ADGRB2: variants seen among roughly 807,000 people sequenced by gnomAD.
The protein encoded by ADGRB2 is adhesion G protein-coupled receptor B2.
In ADGRB2, 47 loss-of-function variants were observed where a neutral mutation model predicts 178.7. The ratio of observed to expected loss-of-function variants is 0.26; its 90% CI spans 0.21 to 0.34. The LOEUF (loss-of-function observed/expected upper bound fraction) is 0.34. Among genes scored for constraint, ADGRB2 ranks in the 10% least tolerant of loss-of-function variants. ADGRB2 has a pLI of 1.00. For missense variants in ADGRB2, 1,584 were observed against 2,180.8 expected, an observed-to-expected ratio of 0.73 and a Z score of 5.45; for synonymous variants, 870 against 912.4, an observed-to-expected ratio of 0.95 and a Z score of 0.84.
Position 31,740,551 on chromosome 1 carries a change from A to T in ADGRB2, c.1795-10T>A. 1 of 1,587,082 alleles carries T rather than the reference A, an allele frequency of 6.3e-7. No homozygotes were observed. The highest frequency in any genetic ancestry group is 8.6e-7 in the Non-Finnish European group (1 of 1,165,594). ...CCAGGTGCTCCCTAAGCTGTAGGTGATGAGGGGGCCACAGTCACTGAAGTG... is the reference window on the plus strand; with the variant it reads ...CCAGGTGCTCCCTAAGCTGTAGGTGTTGAGGGGGCCACAGTCACTGAAGTG... On this transcript the variant is annotated splice_polypyrimidine_tract_variant and intron_variant, in intron 11 of 32. Coordinates refer to ENST00000373658, the MANE Select transcript of ADGRB2 (RefSeq NM_001364857.2). The surrounding 1 kb of genome is among the most constrained non-coding windows in gnomAD (Gnocchi z 5.9).
intron 22 of ADGRB2, 31 bp downstream of exon 22, chr1:31,736,290 C>T (rs746450087): frequency 4.3e-6 from 7 of 1,611,026 alleles, no homozygotes; most frequent in Admixed American, 1.7e-5. Flanking sequence ...ATCCACTACC[C>T]GCTACCACCC....
Position 31,733,060 on chromosome 1 carries a change from C to T in ADGRB2, c.3536G>A (p.Arg1179His), listed in dbSNP as rs202211069. ...AAAGAGGGCCTGGAAGAGGACGGAA[C>T]GGCGGTCTGTCATAGCCAGGACGGC... ...MSAVLAMTDR[R>H]SVLFQALFAV... The change falls in exon 26 of 33, where the codon CGT (arginine) becomes CAT (histidine). Residue 1179 changes from arginine (R) to histidine (H), a missense_variant. Coordinates refer to ENST00000373658, the MANE Select transcript of ADGRB2 (RefSeq NM_001364857.2). This position sits in a 1 kb window ranked among gnomAD's most constrained non-coding sequence, Gnocchi z 4.3. 2.5e-6 allele frequency: 4 copies of T among 1,579,866 alleles called. No homozygotes were observed. The highest frequency in any genetic ancestry group is 2.7e-5 in the African/African-American group (2 of 74,226).
chr1:31,756,560 A>C lies in ADGRB2; in HGVS notation c.277T>G (p.Phe93Val). The change falls in exon 4 of 33, where the codon TTT (phenylalanine) becomes GTT (valine). Residue 93 changes from phenylalanine (F) to valine (V), a missense_variant. Phe to Val is a conservative substitution (Grantham distance 50). Transcript: ENST00000373658. This position sits in a 1 kb window ranked among gnomAD's most constrained non-coding sequence, Gnocchi z 8.5. ...FNRQEQVCAH[F>V]APRLLPLDHY... is the part of the protein sequence containing the mutation. ...TCCAGGGGCAGCAGGCGGGGGGCAA[A>C]GTGTGCGCACACCTGCTCCTGGCGG... 6.2e-7 allele frequency: 1 copy of C among 1,613,192 alleles called. No individual in the cohort carries two copies. The highest frequency in any genetic ancestry group is 8.5e-7 in the Non-Finnish European group (1 of 1,179,568).
intron 1 of ADGRB2, among the ~76,000 whole-genome samples, chr1:31,762,748 G>A (rs1271312081): frequency 1.3e-5 from 2 of 152,314 alleles, no homozygotes; most frequent in African/African-American, 2.4e-5. Flanking sequence ...TGCAGCCACC[G>A]CTGATGCTCT....
chr1:31,739,086 G>A, intron 15 of ADGRB2, 149 bp from the exon 16 acceptor site: 1 of 835,022 alleles, frequency 1.2e-6, no homozygotes, highest in Non-Finnish European at 1.8e-6. Flanking sequence ...GACTTCAGGT[G>A]AGGTCTAGAG....
In ADGRB2 at chr1:31,733,707, C is replaced by A. The variant is rs1645420959; in HGVS notation, c.3453-564G>T. Among the ~76,000 whole-genome samples, 1 of 152,046 alleles carries A rather than the reference C, an allele frequency of 6.6e-6. No individual in the cohort carries two copies. Among genetic ancestry groups the A allele is most frequent in the African/African-American group, 2.4e-5 (1 of 41,404 alleles). ...CCAGTGAAGCAGAACTCCCCCCACA[C>A]ACAGAGAAGACGCCAGGCTCCCACG... is the stretch of plus-strand genomic sequence containing the variant. On this transcript the variant is annotated intron_variant, in intron 25 of 32. Coordinates refer to ENST00000373658, the MANE Select transcript of ADGRB2 (RefSeq NM_001364857.2). The surrounding 1 kb of genome is among the most constrained non-coding windows in gnomAD (Gnocchi z 4.3).
In ADGRB2 at chr1:31,735,166, C is replaced by A; in HGVS notation, c.3452+17G>T. On this transcript the variant is annotated intron_variant, in intron 25 of 32. Transcript: ENST00000373658. This position sits in a 1 kb window ranked among gnomAD's most constrained non-coding sequence, Gnocchi z 6.0. ...TGCCCCACCCACCCCCACCGCCCCC[C>A]AGGGGGCACGACTAACATGGCGTTC... 1 of 1,426,536 alleles carries A rather than the reference C, an allele frequency of 7.0e-7. No individual in the cohort carries two copies. Among genetic ancestry groups the A allele is most frequent in the Non-Finnish European group, 9.2e-7 (1 of 1,086,026 alleles). The allele number at this position is 1,426,536 out of a possible 1,614,324, so 88.4% of individuals were successfully genotyped here. A position where few individuals can be genotyped will look rare whatever the true frequency, so the allele number is the denominator to read the frequency against.
intron 29 of ADGRB2, 68 bp downstream of exon 29, chr1:31,730,731 TC>T: frequency 7.1e-7 from 1 of 1,410,606 alleles, no homozygotes; most frequent in East Asian, 2.5e-5. Flanking sequence ...GATGAGGCTG[TC>T]CCCTCCTGGC....
Position 31,740,420 on chromosome 1 carries a change from G to C in ADGRB2, c.1916C>G (p.Ser639Cys). ...RTYYSGDLLFSVDILRNVTDT... is the reference protein window; with the variant it reads ...RTYYSGDLLFCVDILRNVTDT... ...AGTGACATTCCTCAGAATGTCCACAGAGAAGAGCAGGTCCCCACTATAGTA... is the reference window on the plus strand; with the variant it reads ...AGTGACATTCCTCAGAATGTCCACACAGAAGAGCAGGTCCCCACTATAGTA... Residue 639 changes from serine (S) to cysteine (C), a missense_variant, in exon 12 of 33, where the codon TCT becomes TGT. This residue lies in a region of ADGRB2 where 62 missense variants were observed against 140.3 expected (regional missense o/e 0.44). Transcript: ENST00000373658. This position sits in a 1 kb window ranked among gnomAD's most constrained non-coding sequence, Gnocchi z 5.9. The C allele has an allele frequency of 6.2e-7, 1 of 1,614,084 alleles. No individual in the cohort carries two copies. The highest frequency in any genetic ancestry group is 8.5e-7 in the Non-Finnish European group (1 of 1,180,000).
Position 31,735,487 on chromosome 1 carries a change from G to A in ADGRB2, c.3353+93C>T, listed in dbSNP as rs556010749. On this transcript the variant is annotated intron_variant, in intron 24 of 32. Coordinates refer to ENST00000373658, the MANE Select transcript of ADGRB2 (RefSeq NM_001364857.2). The surrounding 1 kb of genome is among the most constrained non-coding windows in gnomAD (Gnocchi z 6.0). ...GCACCAAGGTTGGGGAGCCCCGGTC[G>A]CATCATCGAGCCCTGAGTCTCCAAG... 3.3e-5 allele frequency: 48 copies of A among 1,471,450 alleles called. No individual in the cohort carries two copies. In the East Asian group the frequency reaches 4.6e-4, roughly 14 times the overall value. The allele number at this position is 1,471,450 out of a possible 1,614,324, so 91.1% of individuals were successfully genotyped here.
rs1646675886 is a variant in ADGRB2 at position 31,753,387 on chromosome 1, C to T, written c.838+2612G>A. ...GTACCCTCTTGTCAAACTCACTCGG[C>T]TCTGAGGCGTCCCAGGCACTCCGCC... On this transcript the variant is annotated intron_variant, in intron 4 of 32. Coordinates refer to ENST00000373658, the MANE Select transcript of ADGRB2 (RefSeq NM_001364857.2). This position sits in a 1 kb window ranked among gnomAD's most constrained non-coding sequence, Gnocchi z 4.1. 6.6e-6 allele frequency among the ~76,000 whole-genome samples: 1 copy of T among 152,238 alleles called. No individual in the cohort carries two copies. Among genetic ancestry groups the T allele is most frequent in the African/African-American group, 2.4e-5 (1 of 41,456 alleles).
At chr1:31,757,061 GA>G in intron 3 of ADGRB2, 139 bp downstream of exon 3, 1 of 1,425,028 alleles carries the variant, frequency 7.0e-7, no homozygotes, top group Non-Finnish European at 9.8e-7. Flanking sequence ...ATAAGTAAGG[GA>G]AAGGACTCGC....
chr1:31,748,167 G>A (rs896732302), intron 4 of ADGRB2, among the ~76,000 whole-genome samples: 4 of 152,208 alleles, frequency 2.6e-5, no homozygotes, highest in African/African-American at 9.7e-5. Flanking sequence ...GCCCCACAAT[G>A]TAACAGGAGG....
At chr1:31,736,848 C>A (rs1645635882) in intron 20 of ADGRB2, 125 bp from the exon 21 acceptor site, 2 of 1,410,030 alleles carry the variant, frequency 1.4e-6, no homozygotes, top group Non-Finnish European at 1.9e-6. Flanking sequence ...CCCCACAGAG[C>A]CCTGCCAGGC....
At position 31,732,408 on chromosome 1, in the gene ADGRB2, C is replaced by T. The variant is rs1045233378; in HGVS notation, c.3720+109G>A. 4.4e-6 allele frequency: 6 copies of T among 1,363,220 alleles called. No homozygotes were observed. In the Admixed American group the frequency reaches 1.1e-4, roughly 26 times the overall value. The allele number at this position is 1,363,220 out of a possible 1,614,324, so 84.4% of individuals were successfully genotyped here. A position where few individuals can be genotyped will look rare whatever the true frequency, so the allele number is the denominator to read the frequency against. ...TGGCTGAGCCTGAATCAAACCCAATCCCTGTCCCAACCCTGCCATGGATGG... is the reference window on the plus strand; with the variant it reads ...TGGCTGAGCCTGAATCAAACCCAATTCCTGTCCCAACCCTGCCATGGATGG... On this transcript the variant is annotated intron_variant, in intron 27 of 32. Transcript: ENST00000373658.
At chr1:31,736,534 C>T (rs1193671060) in intron 21 of ADGRB2, 39 bp downstream of exon 21, 1 of 1,604,682 alleles carries the variant, frequency 6.2e-7, no homozygotes, top group Admixed American at 1.7e-5. Context: ...CCCTGCCCAC[C>T]AAGGCCCAGC....
rs377263531 is a variant in ADGRB2, at chr1:31,735,391, A to C, written c.3354-110T>G. The C allele has an allele frequency of 1.7e-6, 2 of 1,192,044 alleles. No homozygotes were observed. Among genetic ancestry groups the C allele is most frequent in the African/African-American group, 1.5e-5 (1 of 65,794 alleles). 73.8% of individuals were successfully genotyped at this position (1,192,044 alleles called of 1,614,324 possible). A position where few individuals can be genotyped will look rare whatever the true frequency, so the allele number is the denominator to read the frequency against. On this transcript the variant is annotated intron_variant, in intron 24 of 32. Coordinates refer to ENST00000373658, the MANE Select transcript of ADGRB2 (RefSeq NM_001364857.2). The surrounding 1 kb of genome is among the most constrained non-coding windows in gnomAD (Gnocchi z 6.0). ...GGAGGGGAGGGCAGACGAGAGAGAG[A>C]GAGCTGGGTTAGGGTGGGTGAGGGG...
Position 31,728,864 on chromosome 1 carries a change from C to A in ADGRB2, c.4381-231G>T, listed in dbSNP as rs979097062. 7.4e-6 allele frequency among the ~76,000 whole-genome samples: 1 copy of A among 134,510 alleles called. No homozygotes were observed. Among genetic ancestry groups the A allele is most frequent in the African/African-American group, 2.6e-5 (1 of 38,540 alleles). The allele number at this position is 134,510 out of a possible 152,430, so 88.2% of individuals were successfully genotyped here. A position where few individuals can be genotyped will look rare whatever the true frequency, so the allele number is the denominator to read the frequency against. On this transcript the variant is annotated intron_variant, in intron 29 of 32. Coordinates refer to ENST00000373658, the MANE Select transcript of ADGRB2 (RefSeq NM_001364857.2). This position sits in a 1 kb window ranked among gnomAD's most constrained non-coding sequence, Gnocchi z 6.7. Reference sequence around the variant, plus strand: ...CACACACACGTCAAATGGCATGGTGCGGACTTCCAACATGACAGGCCCAGA... The same window carrying A: ...CACACACACGTCAAATGGCATGGTGAGGACTTCCAACATGACAGGCCCAGA...
rs1645502275 is a variant in ADGRB2 at position 31,735,050 on chromosome 1, G to A, written c.3452+133C>T. 2 of 900,322 alleles carry A rather than the reference G, an allele frequency of 2.2e-6. No individual in the cohort carries two copies. Among genetic ancestry groups the A allele is most frequent in the Non-Finnish European group, 1.6e-6 (1 of 640,770 alleles). The allele number at this position is 900,322 out of a possible 1,614,324, so 55.8% of individuals were successfully genotyped here. On this transcript the variant is annotated intron_variant, in intron 25 of 32. Coordinates refer to ENST00000373658, the MANE Select transcript of ADGRB2 (RefSeq NM_001364857.2). This position sits in a 1 kb window ranked among gnomAD's most constrained non-coding sequence, Gnocchi z 6.0. Reference sequence around the variant, plus strand: ...CTTGCCGAGCCCTTGAGAGTGTGTGGTGGCTGGCAGGAAAGGGCAAGCTTT... The same window carrying A: ...CTTGCCGAGCCCTTGAGAGTGTGTGATGGCTGGCAGGAAAGGGCAAGCTTT...
Sources: gnomAD v4.1 joint callset for allele counts (sites outside exome capture counted in the v4.1 genomes callset) on GRCh38, gnomAD v4.1.1 for gene constraint, gnomAD v4.1.1 regional missense constraint, Gnocchi (gnomAD v3.1) non-coding constraint, MANE v1.5 for transcripts, NCBI Gene and HGNC (gene_info 2026-07-23, HGNC 2026-07-21) for gene names.